Variants in GK5 observed in about 807,000 individuals in gnomAD.
The protein encoded by GK5 is glycerol kinase 5.
A neutral mutation model predicts 77.3 loss-of-function variants in GK5; 39 were observed. That is an observed-to-expected ratio of 0.50 (90% CI 0.39 to 0.66). The LOEUF is 0.66. GK5 is among the 30% of genes least tolerant of loss of function. GK5 has a pLI of 0.00. For missense variants in GK5, 487 were observed against 633.8 expected (o/e 0.77, Z 2.49); for synonymous variants, 211 against 208.0 (o/e 1.01, Z -0.13).
At position 142,186,463 on chromosome 3, in the gene GK5, CA is replaced by C; in HGVS notation, c.669del (p.Phe223LeufsTer11). On this transcript the variant is annotated frameshift_variant, in exon 7 of 16. Coordinates refer to ENST00000392993, the MANE Select transcript of GK5 (RefSeq NM_001039547.3). LOFTEE classifies it high-confidence loss of function. ...DFSNASTTGLFDPYKMCWSGM... is the reference protein window; with the variant it reads ...DFSNASTTGLXDPYKMCWSGM... ...AAAAAAATTTTTACCTTATATGGGT[CA>C]AAAAGTCCAGTTGTACTAGCATTTG... 2 of 1,553,954 alleles carry C rather than the reference CA, an allele frequency of 1.3e-6. No homozygotes were observed. Among genetic ancestry groups the C allele is most frequent in the Non-Finnish European group, 1.7e-6 (2 of 1,146,832 alleles).
rs185265813 is a variant in GK5, at chr3:142,173,673, G to A, written c.1144-1217C>T. Among the ~76,000 whole-genome samples the A allele has an allele frequency of 4.7e-5, 7 of 149,966 alleles. No homozygotes were observed. The East Asian group carries it at 1.4e-3, about 29-fold the overall frequency. On this transcript the variant is annotated intron_variant, in intron 12 of 15. Transcript: ENST00000392993. ...CACTCTAGCCTGGGCAACAGAGCAA[G>A]ACTCCGTCTCAAAACAAAAACAAAA...
intron 9 of GK5, chr3:142,184,810 C>G (rs2063746563): frequency 1.0e-6 from 1 of 967,594 alleles, no homozygotes; most frequent in African/African-American, 1.8e-5. Flanking sequence ...CCATTGCACT[C>G]CAGTCTGGGA....
intron 15 of GK5, among the ~76,000 whole-genome samples, chr3:142,169,856 C>T: frequency 6.6e-6 from 1 of 151,808 alleles, no homozygotes; most frequent in Non-Finnish European, 1.5e-5. Flanking sequence ...AACTTTTAGT[C>T]CAGAAAGGGT....
intron 12 of GK5, among the ~76,000 whole-genome samples, chr3:142,175,826 C>A (rs1185089900): frequency 6.7e-6 from 1 of 148,198 alleles, no homozygotes; most frequent in Admixed American, 6.8e-5. Flanking sequence ...AAAAAATATA[C>A]TTTATATTAT....
intron 5 of GK5, among the ~76,000 whole-genome samples, chr3:142,189,694 C>T (rs2063822208): frequency 6.6e-6 from 1 of 152,156 alleles, no homozygotes; most frequent in Non-Finnish European, 1.5e-5. Flanking sequence ...ACCCCCCTCA[C>T]GTTGGCTAAG....
Position 142,225,294 on chromosome 3 carries a change from C to A in GK5, c.147+15G>T. The A allele has an allele frequency of 6.5e-7, 1 of 1,527,754 alleles. No individual in the cohort carries two copies. The allele number at this position is 1,527,754 out of a possible 1,614,324, so 94.6% of individuals were successfully genotyped here. ...ACCCAGTCAGACCCGCGCCCCACGCCCGCCCCCAAGTCACCTTCTGCACGC... is the reference window on the plus strand; with the variant it reads ...ACCCAGTCAGACCCGCGCCCCACGCACGCCCCCAAGTCACCTTCTGCACGC... On this transcript the variant is annotated intron_variant, in intron 1 of 15. Transcript: ENST00000392993.
chr3:142,218,675 T>C (rs1401986783), intron 1 of GK5, among the ~76,000 whole-genome samples: 1 of 152,154 alleles, frequency 6.6e-6, no homozygotes, highest in Non-Finnish European at 1.5e-5. Flanking sequence ...AAAATTCTTG[T>C]GACTTGGGGT....
intron 13 of GK5, 115 bp from the exon 14 acceptor site, chr3:142,171,593 TGTAC>T: frequency 1.3e-6 from 1 of 763,860 alleles, no homozygotes; most frequent in Non-Finnish European, 1.9e-6. Flanking sequence ...ATTTATAAAA[TGTAC>T]AAAACAAAAT....
chr3:142,221,911 G>A (rs1375319843), intron 1 of GK5, among the ~76,000 whole-genome samples: 1 of 152,090 alleles, frequency 6.6e-6, no homozygotes, highest in Non-Finnish European at 1.5e-5. Context: ...TCTTCTCACA[G>A]CCTATTTTGT....
intron 13 of GK5, 36 bp from the exon 14 acceptor site, chr3:142,171,514 T>G: frequency 1.5e-6 from 2 of 1,291,016 alleles, no homozygotes; most frequent in Non-Finnish European, 2.1e-6. Flanking sequence ...TATAAGAAAT[T>G]CATATCATAA....
At position 142,182,976 on chromosome 3, in the gene GK5, G is replaced by C; in HGVS notation, c.890C>G (p.Thr297Ser). 1 of 1,612,804 alleles carries C rather than the reference G, an allele frequency of 6.2e-7. No individual in the cohort carries two copies. Among genetic ancestry groups the C allele is most frequent in the Non-Finnish European group, 8.5e-7 (1 of 1,178,900 alleles). Residue 297 changes from threonine to serine, a missense_variant, in exon 10 of 16, where the codon ACT becomes AGT. Physicochemically the swap from Thr to Ser is moderately conservative, Grantham distance 58. This residue lies in a region of GK5 where 323 missense variants were observed against 437.4 expected (regional missense o/e 0.74). Coordinates refer to ENST00000392993, the MANE Select transcript of GK5 (RefSeq NM_001039547.3). ...AGTGTTAATATCCAAAAATGTCCCA[G>C]TTCCCATGGTTAATTTCACATCACC... ...QTGDVKLTMG[T>S]GTFLDINTGN...
At chr3:142,168,036 AAAAC>A (rs769979377) in intron 15 of GK5, among the ~76,000 whole-genome samples, 1 of 152,210 alleles carries the variant, frequency 6.6e-6, no homozygotes, top group South Asian at 2.1e-4. Context: ...AAAACAAAAC[AAAAC>A]AAAAACCCTG....
chr3:142,172,437 C>T lies in GK5; in HGVS notation c.1163G>A (p.Trp388Ter). 1.3e-6 allele frequency: 2 copies of T among 1,595,646 alleles called. No individual in the cohort carries two copies. The highest frequency in any genetic ancestry group is 1.3e-5 in the African/African-American group (1 of 74,658). Reference protein sequence around the residue: ...SGLQAPLNDPWACASFMGLKP... With the variant: ...SGLQAPLNDP ...CAAACCCATAAAAGAGGCACATGCCCAGGGGTCATTTAATGGAGCCTACAG... is the reference window on the plus strand; with the variant it reads ...CAAACCCATAAAAGAGGCACATGCCTAGGGGTCATTTAATGGAGCCTACAG... The change falls in exon 13 of 16, where the codon TGG becomes TAG. Residue 388 changes from tryptophan (W) to a stop codon, truncating the protein, a stop_gained. Transcript: ENST00000392993. LOFTEE classifies it high-confidence loss of function.
At chr3:142,184,395 T>C (rs2063740232) in intron 9 of GK5, among the ~76,000 whole-genome samples, 1 of 152,044 alleles carries the variant, frequency 6.6e-6, no homozygotes, top group Non-Finnish European at 1.5e-5. Context: ...CAAATTTATT[T>C]ATTTTATTAA....
At chr3:142,169,356 T>C (rs1165066585) in intron 15 of GK5, among the ~76,000 whole-genome samples, 1 of 152,242 alleles carries the variant, frequency 6.6e-6, no homozygotes, top group Non-Finnish European at 1.5e-5. Flanking sequence ...TAAATTAGTG[T>C]AGCCCATCCT....
At position 142,186,255 on chromosome 3, in the gene GK5, C is replaced by T; in HGVS notation, c.694G>A (p.Gly232Arg). ...ATCGAAATTAGAGAGGTAATCATCC[C>T]ACTCCAACACATCTGAGCATAAAAA... is the stretch of plus-strand genomic sequence containing the variant. ...LFDPYKMCWSGMITSLISIPL... is the reference protein window; with the variant it reads ...LFDPYKMCWSRMITSLISIPL... The change falls in exon 8 of 16, where the codon GGG becomes AGG. Residue 232 changes from glycine (G) to arginine (R), a missense_variant. This residue lies in a region of GK5 where 323 missense variants were observed against 437.4 expected (regional missense o/e 0.74). Coordinates refer to ENST00000392993, the MANE Select transcript of GK5 (RefSeq NM_001039547.3). The T allele has an allele frequency of 1.2e-6, 2 of 1,602,374 alleles. No homozygotes were observed. Among genetic ancestry groups the T allele is most frequent in the Admixed American group, 3.3e-5 (2 of 59,980 alleles).
intron 1 of GK5, among the ~76,000 whole-genome samples, chr3:142,218,229 C>CA (rs769407213): frequency 0.024 from 1,950 of 80,240 alleles, 41 homozygotes; most frequent in African/African-American, 0.069. Context: ...CATCCATATG[C>CA]AAAAAAAAAA....
chr3:142,170,115 A>AG, intron 15 of GK5: 1 of 636,420 alleles, frequency 1.6e-6, no homozygotes, highest in South Asian at 1.8e-5. Flanking sequence ...TTCTGACTGA[A>AG]GGGGTGAGGT....
chr3:142,190,989 A>C (rs1453391451), intron 5 of GK5, among the ~76,000 whole-genome samples: 1 of 152,262 alleles, frequency 6.6e-6, no homozygotes, highest in Non-Finnish European at 1.5e-5. Flanking sequence ...ACTGGATTAA[A>C]GGTCAATTCA....
Sources: allele counts gnomAD v4.1 joint callset (sites outside exome capture counted in the v4.1 genomes callset), GRCh38; gene constraint gnomAD v4.1.1; regional missense constraint gnomAD v4.1.1; transcripts MANE v1.5; gene names NCBI Gene and HGNC (gene_info 2026-07-23, HGNC 2026-07-21).